TXLNB: variants seen among roughly 807,000 people sequenced by gnomAD.
TXLNB encodes the protein taxilin beta, also known as beta-taxilin.
TXLNB carries 37 observed loss-of-function variants against 57.4 expected under a neutral mutation model. That is an observed-to-expected ratio of 0.64 (90% CI 0.50 to 0.85). The LOEUF (loss-of-function observed/expected upper bound fraction) is 0.85, where lower values mean the gene tolerates loss of function less well. TXLNB is among the 40% of genes least tolerant of loss of function. TXLNB has a pLI of 0.00. For synonymous variants in TXLNB, 302 were observed against 309.6 expected (o/e 0.98, Z 0.26); for missense variants, 848 against 825.6 (o/e 1.03, Z -0.33).
the TXLNB span, among the ~76,000 whole-genome samples, chr6:139,195,741 T>C: frequency 6.6e-6 from 1 of 152,190 alleles, no homozygotes; most frequent in African/African-American, 2.4e-5. Context: ...AGTTGCATGG[T>C]TAAGTTGAGA....
Position 139,241,998 on chromosome 6 carries a change from TATATGTATATAAACAA to T in TXLNB, c.*512_*527del, listed in dbSNP as rs1361220939. 7 of 152,296 alleles carry T rather than the reference TATATGTATATAAACAA, an allele frequency of 4.6e-5. No homozygotes were observed. The highest frequency in any genetic ancestry group is 1.7e-4 in the African/African-American group (7 of 41,558). The allele number at this position is 152,296 out of a possible 1,614,324, so 9.4% of individuals were successfully genotyped here. A position where few individuals can be genotyped will look rare whatever the true frequency, so the allele number is the denominator to read the frequency against. ...TTATATATACATATAGATACGTGCA[TATATGTATATAAACAA>T]ATATTCACACATCTATACATACGTG... On this transcript the variant is annotated 3_prime_UTR_variant, in exon 10 of 10. Coordinates refer to ENST00000358430, the MANE Select transcript of TXLNB (RefSeq NM_153235.4).
the TXLNB span, among the ~76,000 whole-genome samples, chr6:139,221,668 A>G: frequency 6.6e-6 from 1 of 152,234 alleles, no homozygotes; most frequent in Non-Finnish European, 1.5e-5. Flanking sequence ...AGAGCATTGT[A>G]CAAGAAAACT....
intron 4 of TXLNB, 133 bp downstream of exon 4, chr6:139,270,323 A>C: frequency 1.2e-6 from 1 of 821,062 alleles, no homozygotes; most frequent in Non-Finnish European, 1.9e-6. Context: ...GGTTACAAGC[A>C]AGCAAGGGGC....
chr6:139,258,613 T>C (rs573547795), intron 6 of TXLNB, among the ~76,000 whole-genome samples: 1 of 152,360 alleles, frequency 6.6e-6, no homozygotes, highest in Admixed American at 6.5e-5. Flanking sequence ...AAATTACTAT[T>C]CTAATCAACT....
At chr6:139,194,822 T>G in the TXLNB span, among the ~76,000 whole-genome samples, 1 of 152,198 alleles carries the variant, frequency 6.6e-6, no homozygotes, top group East Asian at 1.9e-4. Context: ...TTCTGTAAAC[T>G]CTTAGGGAAG....
intron 2 of TXLNB, chr6:139,287,247 A>C (rs1267024388): frequency 1.3e-5 from 2 of 152,282 alleles, no homozygotes; most frequent in African/African-American, 4.8e-5. Context: ...TCACTGTCTC[A>C]CTGCTGCCCA....
chr6:139,305,670 A>G, the TXLNB span, among the ~76,000 whole-genome samples: 80 of 152,318 alleles, frequency 5.3e-4, no homozygotes, highest in African/African-American at 1.9e-3. Flanking sequence ...AGATTTCTAT[A>G]GGAAGATAGA....
At chr6:139,200,991 C>T in the TXLNB span, among the ~76,000 whole-genome samples, 1 of 152,074 alleles carries the variant, frequency 6.6e-6, no homozygotes, top group Non-Finnish European at 1.5e-5. Flanking sequence ...ATCATTTTTC[C>T]TCCCCTATTC....
the TXLNB span, among the ~76,000 whole-genome samples, chr6:139,185,773 A>T: frequency 6.6e-6 from 1 of 152,224 alleles, no homozygotes; most frequent in Non-Finnish European, 1.5e-5. Context: ...GGAAAATGCC[A>T]TTTAAAAAAA....
At chr6:139,234,208 T>C in the TXLNB span, 4 of 152,110 alleles carry the variant, frequency 2.6e-5, no homozygotes, top group Non-Finnish European at 2.9e-5. Context: ...AGCCAGATGT[T>C]GTGAAAGAAA....
chr6:139,248,497 C>CA (rs376513884), intron 7 of TXLNB, among the ~76,000 whole-genome samples: 147 of 109,560 alleles, frequency 1.3e-3, no homozygotes, highest in East Asian at 4.9e-3. Context: ...ACTCTGTCTC[C>CA]AAAAAAAAAA....
chr6:139,166,626 C>G, the TXLNB span: 1 of 1,614,220 alleles, frequency 6.2e-7, no homozygotes, highest in Non-Finnish European at 8.5e-7. Context: ...AAGAAGAAGT[C>G]TGGCTCCGAG....
chr6:139,311,506 G>T, the TXLNB span, among the ~76,000 whole-genome samples: 1 of 150,722 alleles, frequency 6.6e-6, no homozygotes, highest in Non-Finnish European at 1.5e-5. Context: ...TATTTTTTGG[G>T]GGGTGGGGGG....
rs748289372 is a variant in TXLNB at position 139,262,814 on chromosome 6, G to A, written c.688-41C>T. On this transcript the variant is annotated intron_variant, in intron 4 of 9. Coordinates refer to ENST00000358430, the MANE Select transcript of TXLNB (RefSeq NM_153235.4). The stretch of plus-strand genomic sequence containing the variant: ...AAAACATTTTGTTTAAATGCACCCC[G>A]GGTTTATAGAACTCAGCATTAGGTC... 7.5e-5 allele frequency: 119 copies of A among 1,590,392 alleles called. No individual in the cohort carries two copies. The South Asian group carries it at 1.0e-3, about 13-fold the overall frequency.
the TXLNB span, chr6:139,166,858 T>G: frequency 6.2e-7 from 1 of 1,613,980 alleles, no homozygotes; most frequent in Non-Finnish European, 8.5e-7. Context: ...TCCTCTCTCC[T>G]GCCCACTTCA....
At chr6:139,209,092 T>C in the TXLNB span, among the ~76,000 whole-genome samples, 3 of 152,160 alleles carry the variant, frequency 2.0e-5, no homozygotes, top group Admixed American at 6.5e-5. Flanking sequence ...TTCAGCGATA[T>C]TTCAGGATAC....
At chr6:139,225,991 T>A in the TXLNB span, among the ~76,000 whole-genome samples, 1 of 151,964 alleles carries the variant, frequency 6.6e-6, no homozygotes, top group South Asian at 2.1e-4. Flanking sequence ...CTGAACAGAA[T>A]AGAGTTTAGA....
chr6:139,320,998 T>C, the TXLNB span, among the ~76,000 whole-genome samples: 9 of 152,248 alleles, frequency 5.9e-5, no homozygotes, highest in Non-Finnish European at 8.8e-5. Context: ...AAAAGGAACC[T>C]AGATCCCTGT....
chr6:139,268,617 G>A (rs956255604), intron 4 of TXLNB, among the ~76,000 whole-genome samples: 2 of 152,090 alleles, frequency 1.3e-5, no homozygotes, highest in Admixed American at 1.3e-4. Context: ...GCTTGATCTT[G>A]GACAACCAAT....
Sources: gnomAD v4.1 joint callset for allele counts (sites outside exome capture counted in the v4.1 genomes callset) on GRCh38, gnomAD v4.1.1 for gene constraint, MANE v1.5 for transcripts, NCBI Gene and HGNC (gene_info 2026-07-23, HGNC 2026-07-21) for gene names.